The following TMEM132D variants were observed in gnomAD, a reference collection of about 807,000 sequenced individuals.
TMEM132D encodes transmembrane protein 132D.
TMEM132D carries 21 observed loss-of-function variants against 62.3 expected under a neutral mutation model. That is an observed-to-expected ratio of 0.34 (90% CI 0.24 to 0.49). The LOEUF (loss-of-function observed/expected upper bound fraction) is 0.49. Ranked by LOEUF, TMEM132D falls within the 20% of genes least tolerant of loss-of-function variation. The pLI is 0.99. For missense variants in TMEM132D, 1,346 were observed against 1,402.8 expected, an observed-to-expected ratio of 0.96 and a Z score of 0.65; for synonymous variants, 621 against 575.6, an observed-to-expected ratio of 1.08 and a Z score of -1.13.
intron 3 of TMEM132D, among the ~76,000 whole-genome samples, chr12:129,419,827 C>T (rs1268774261): frequency 1.4e-5 from 2 of 143,724 alleles, no homozygotes; most frequent in African/African-American, 5.1e-5. Context: ...TTAGATGTGG[C>T]AAGTTATGTT....
At chr12:129,465,139 T>G (rs548238288) in intron 3 of TMEM132D, among the ~76,000 whole-genome samples, 2 of 152,212 alleles carry the variant, frequency 1.3e-5, no homozygotes, top group East Asian at 3.9e-4. Flanking sequence ...TATCCTCTTT[T>G]ATTTCATTGA....
rs114607389 is a variant in TMEM132D at position 129,253,540 on chromosome 12, C to A, written c.1300-43877G>T. On this transcript the variant is annotated intron_variant, in intron 4 of 8. Transcript: ENST00000422113. ...CAGAAAAACAAATAAATAAATATTT[C>A]TTGATCAACTGTGTCTGTCCACTGG... Among the ~76,000 whole-genome samples, 1,420 of 152,282 alleles carry A rather than the reference C, an allele frequency of 9.3e-3. 16 individuals carry two copies. Among genetic ancestry groups the A allele is most frequent in the African/African-American group, 0.029 (1,206 of 41,560 alleles).
intron 1 of TMEM132D, among the ~76,000 whole-genome samples, chr12:129,721,068 GA>G (rs1476923423): frequency 6.6e-6 from 1 of 152,246 alleles, no homozygotes; most frequent in African/African-American, 2.4e-5. Flanking sequence ...CATGGCATTT[GA>G]GCCGGACATT....
At chr12:129,380,842 AT>A (rs879742060) in intron 3 of TMEM132D, among the ~76,000 whole-genome samples, 1 of 152,086 alleles carries the variant, frequency 6.6e-6, no homozygotes, top group Non-Finnish European at 1.5e-5. Context: ...TAGAACTAGA[AT>A]TTTTTTTCAC....
At chr12:129,887,098 G>C (rs905698982) in intron 1 of TMEM132D, among the ~76,000 whole-genome samples, 1 of 152,148 alleles carries the variant, frequency 6.6e-6, no homozygotes, top group African/African-American at 2.4e-5. Context: ...ACTTTTGAAA[G>C]AGATCTGAGT....
intron 2 of TMEM132D, among the ~76,000 whole-genome samples, chr12:129,654,711 C>G (rs1414307592): frequency 6.6e-6 from 1 of 152,150 alleles, no homozygotes; most frequent in Admixed American, 6.5e-5. Flanking sequence ...CCTCCCAAGG[C>G]CAGTGGATAA....
chr12:129,616,252 G>A (rs1458877752), intron 2 of TMEM132D, among the ~76,000 whole-genome samples: 1 of 152,148 alleles, frequency 6.6e-6, no homozygotes, highest in Admixed American at 6.5e-5. Context: ...AGCCATTTCT[G>A]ATGCATCAGC....
intron 2 of TMEM132D, among the ~76,000 whole-genome samples, chr12:129,594,897 C>T (rs1002994250): frequency 2.0e-5 from 3 of 152,180 alleles, no homozygotes; most frequent in Admixed American, 2.0e-4. Flanking sequence ...CTTCCCATGG[C>T]ACTCAGGAAT....
chr12:129,298,570 G>A (rs973342107), intron 4 of TMEM132D, among the ~76,000 whole-genome samples: 2 of 152,082 alleles, frequency 1.3e-5, no homozygotes, highest in African/African-American at 2.4e-5. Flanking sequence ...CCTCCTATCT[G>A]ATTGTCACTG....
At chr12:129,859,230 C>T (rs542768995) in intron 1 of TMEM132D, among the ~76,000 whole-genome samples, 1 of 152,216 alleles carries the variant, frequency 6.6e-6, no homozygotes, top group Non-Finnish European at 1.5e-5. Context: ...AGGATAGAGA[C>T]TGTGGTCGAG....
chr12:129,648,792 TA>T (rs1879852556), intron 2 of TMEM132D, among the ~76,000 whole-genome samples: 2 of 152,204 alleles, frequency 1.3e-5, no homozygotes, highest in Non-Finnish European at 2.9e-5. Flanking sequence ...AATTCAGCAG[TA>T]AAATTTTCAT....
chr12:129,779,604 G>C lies in TMEM132D; in HGVS notation c.80-78906C>G, dbSNP rs536312552. 2.6e-5 allele frequency among the ~76,000 whole-genome samples: 4 copies of C among 152,218 alleles called. No homozygotes were observed. Among genetic ancestry groups the C allele is most frequent in the Admixed American group, 2.6e-4 (4 of 15,294 alleles). On this transcript the variant is annotated intron_variant, in intron 1 of 8. Transcript: ENST00000422113. This position sits in a 1 kb window ranked among gnomAD's most constrained non-coding sequence, Gnocchi z 4.1. ...GGCCCAGGTTTTTGTTATTGTTTTG[G>C]GTTTTTTTGTTTGTTTCTTTTGTTT...
At chr12:129,334,733 G>A (rs1869221140) in intron 4 of TMEM132D, among the ~76,000 whole-genome samples, 1 of 152,264 alleles carries the variant, frequency 6.6e-6, no homozygotes, top group African/African-American at 2.4e-5. Context: ...GGGACTACAG[G>A]TGTGAGTCAC....
chr12:129,464,270 T>C (rs1330639527), intron 3 of TMEM132D, among the ~76,000 whole-genome samples: 1 of 152,234 alleles, frequency 6.6e-6, no homozygotes, highest in Non-Finnish European at 1.5e-5. Context: ...GCATAAATAT[T>C]TTCTTTTGAG....
chr12:129,682,756 G>A, intron 2 of TMEM132D: 1 of 151,334 alleles, frequency 6.6e-6, no homozygotes, highest in Non-Finnish European at 1.5e-5. Context: ...CTACTCGGGA[G>A]GCTGAGGCAG....
chr12:129,711,461 C>T (rs1269793115), intron 1 of TMEM132D, among the ~76,000 whole-genome samples: 1 of 152,168 alleles, frequency 6.6e-6, no homozygotes, highest in African/African-American at 2.4e-5. Context: ...CACAGTGGCT[C>T]ACGCCTGTAA....
chr12:129,533,205 A>G (rs1451430702), intron 2 of TMEM132D, among the ~76,000 whole-genome samples: 1 of 152,216 alleles, frequency 6.6e-6, no homozygotes, highest in Non-Finnish European at 1.5e-5. Context: ...TTAAATAATC[A>G]TTATGCATGC....
chr12:129,604,249 A>G (rs113228992), intron 2 of TMEM132D, among the ~76,000 whole-genome samples: 21,852 of 152,100 alleles, frequency 0.14, 1,667 homozygotes, highest in Middle Eastern at 0.18. Flanking sequence ...ATGGGTTGAT[A>G]GGTGCAGCAA....
intron 3 of TMEM132D, among the ~76,000 whole-genome samples, chr12:129,455,567 C>T (rs1337875227): frequency 2.6e-5 from 4 of 152,128 alleles, no homozygotes; most frequent in African/African-American, 9.7e-5. Context: ...GGAGAAGGAG[C>T]TGGGGAAGGC....
Sources: allele counts gnomAD v4.1 joint callset (sites outside exome capture counted in the v4.1 genomes callset), GRCh38; gene constraint gnomAD v4.1.1; non-coding constraint Gnocchi (gnomAD v3.1); transcripts MANE v1.5; gene names NCBI Gene and HGNC (gene_info 2026-07-23, HGNC 2026-07-21).